The following PTPRT variants were observed in gnomAD, a reference collection of about 807,000 sequenced individuals.
PTPRT encodes protein tyrosine phosphatase receptor type T.
PTPRT carries 56 observed loss-of-function variants against 176.8 expected under a neutral mutation model. The observed-to-expected ratio is 0.32, with a 90% CI of 0.26 to 0.40. The LOEUF (loss-of-function observed/expected upper bound fraction) is 0.40. Ranked by LOEUF, PTPRT falls within the 10% of genes least tolerant of loss-of-function variation. The pLI is 1.00. For synonymous variants in PTPRT, 783 were observed against 739.0 expected, an observed-to-expected ratio of 1.06 and a Z score of -0.96; for missense variants, 1,540 against 1,908.2, an observed-to-expected ratio of 0.81 and a Z score of 3.60.
intron 12 of PTPRT, 26 bp downstream of exon 12, chr20:42,315,697 A>T: frequency 6.2e-7 from 1 of 1,603,288 alleles, no homozygotes; most frequent in Non-Finnish European, 8.5e-7. Flanking sequence ...CAAGGCAAGG[A>T]ATGGCCTCCA....
intron 6 of PTPRT, among the ~76,000 whole-genome samples, chr20:42,722,274 G>A (rs1428617641): frequency 6.6e-6 from 1 of 152,136 alleles, no homozygotes; most frequent in Non-Finnish European, 1.5e-5. Context: ...CTGGTCTCCA[G>A]CAAGATTTAC....
chr20:42,765,440 T>C (rs191103659), intron 5 of PTPRT, among the ~76,000 whole-genome samples: 1 of 152,324 alleles, frequency 6.6e-6, no homozygotes, highest in Admixed American at 6.5e-5. Context: ...TGGAATTAGC[T>C]ATGCCAAACC....
At chr20:42,124,750 G>A (rs1263924986) in intron 19 of PTPRT, among the ~76,000 whole-genome samples, 1 of 152,132 alleles carries the variant, frequency 6.6e-6, no homozygotes, top group African/African-American at 2.4e-5. Flanking sequence ...TATCTTTGCT[G>A]GAGTATGTAG....
Position 42,092,831 on chromosome 20 carries a change from C to T in PTPRT, c.3846+5590G>A, listed in dbSNP as rs376395884. On this transcript the variant is annotated intron_variant, in intron 27 of 30. Transcript: ENST00000373187. ...AATGAGGAGCTTGCCTCTCTCACTT[C>T]CATGGGAATCCATCACAGCCCCCAT... Among the ~76,000 whole-genome samples, 205 of 152,330 alleles carry T rather than the reference C, an allele frequency of 1.3e-3. 1 individual carries two copies. The Middle Eastern group carries it at 0.02, about 15-fold the overall frequency.
At chr20:43,024,385 T>C (rs1367504218) in intron 1 of PTPRT, among the ~76,000 whole-genome samples, 1 of 152,036 alleles carries the variant, frequency 6.6e-6, no homozygotes, top group Non-Finnish European at 1.5e-5. Flanking sequence ...GGTCAGGAGT[T>C]AGAGACCAGC....
intron 1 of PTPRT, among the ~76,000 whole-genome samples, chr20:43,029,990 T>C (rs775147341): frequency 1.2e-4 from 18 of 152,190 alleles, no homozygotes; most frequent in Admixed American, 2.0e-4. Context: ...AGATGAAAAA[T>C]GAACTTTTGT....
intron 7 of PTPRT, among the ~76,000 whole-genome samples, chr20:42,574,743 C>T (rs6065512): frequency 3.3e-5 from 5 of 152,128 alleles, no homozygotes; most frequent in East Asian, 3.8e-4. Flanking sequence ...AATCTCATCT[C>T]GAATGGTAAT....
intron 1 of PTPRT, among the ~76,000 whole-genome samples, chr20:43,046,880 A>T (rs1986859991): frequency 6.6e-6 from 1 of 152,200 alleles, no homozygotes; most frequent in African/African-American, 2.4e-5. Flanking sequence ...AAGTCAGAGA[A>T]CTGAGAAATT....
At chr20:43,132,105 A>G (rs1314916235) in intron 1 of PTPRT, among the ~76,000 whole-genome samples, 2 of 152,150 alleles carry the variant, frequency 1.3e-5, no homozygotes, top group African/African-American at 2.4e-5. Context: ...AGAGAAAGGA[A>G]AAAAGCAAGA....
intron 17 of PTPRT, among the ~76,000 whole-genome samples, chr20:42,160,403 G>C (rs1989539502): frequency 6.6e-6 from 1 of 151,998 alleles, no homozygotes; most frequent in Admixed American, 6.6e-5. Flanking sequence ...ATTTTATTTT[G>C]CTTTTTGTTT....
chr20:42,211,769 C>A (rs888283461), intron 15 of PTPRT, among the ~76,000 whole-genome samples: 1 of 148,142 alleles, frequency 6.8e-6, no homozygotes, highest in African/African-American at 2.5e-5. Flanking sequence ...ACTGGAAATA[C>A]CATTTGACCC....
intron 1 of PTPRT, among the ~76,000 whole-genome samples, chr20:43,082,532 CT>C (rs2146289600): frequency 1.3e-5 from 2 of 152,242 alleles, no homozygotes; most frequent in South Asian, 4.2e-4. Context: ...CACACACAAA[CT>C]TCATTTCTCA....
intron 9 of PTPRT, among the ~76,000 whole-genome samples, chr20:42,422,587 T>C (rs2059128203): frequency 6.6e-6 from 1 of 152,222 alleles, no homozygotes; most frequent in South Asian, 2.1e-4. Flanking sequence ...GGAACACTTA[T>C]ATACTGCTGG....
chr20:42,088,898 G>A (rs1984307178), intron 27 of PTPRT, among the ~76,000 whole-genome samples: 1 of 152,164 alleles, frequency 6.6e-6, no homozygotes, highest in Non-Finnish European at 1.5e-5. Flanking sequence ...CTAAATTCCA[G>A]TGATTCATAC....
intron 1 of PTPRT, among the ~76,000 whole-genome samples, chr20:43,183,970 C>T (rs2015327905): frequency 1.3e-5 from 2 of 152,172 alleles, no homozygotes; most frequent in Non-Finnish European, 1.5e-5. Context: ...CATTCATGCT[C>T]GTGTCTTTCT....
the PTPRT span, among the ~76,000 whole-genome samples, chr20:42,057,702 C>T: frequency 6.6e-6 from 1 of 152,112 alleles, no homozygotes; most frequent in Non-Finnish European, 1.5e-5. Context: ...GATCCTCCCA[C>T]CCTAGCCTGC....
chr20:42,118,354 G>T, intron 21 of PTPRT, 49 bp downstream of exon 21: 1 of 1,483,438 alleles, frequency 6.7e-7, no homozygotes, highest in South Asian at 1.2e-5. Context: ...AGATGTTCGA[G>T]AGTGCATCTC....
intron 7 of PTPRT, among the ~76,000 whole-genome samples, chr20:42,620,689 G>C (rs558476479): frequency 2.0e-5 from 3 of 152,198 alleles, no homozygotes; most frequent in Non-Finnish European, 2.9e-5. Context: ...ATTCGGGTGG[G>C]AGTGACCCAA....
intron 13 of PTPRT, among the ~76,000 whole-genome samples, chr20:42,281,266 C>A (rs77996256): frequency 0.032 from 4,848 of 152,216 alleles, 108 homozygotes; most frequent in Non-Finnish European, 0.048. Flanking sequence ...TATTTTATCT[C>A]TTTCCATCCA....
Sources: allele counts gnomAD v4.1 joint callset (sites outside exome capture counted in the v4.1 genomes callset), GRCh38; gene constraint gnomAD v4.1.1; transcripts MANE v1.5; gene names NCBI Gene and HGNC (gene_info 2026-07-23, HGNC 2026-07-21).